The following RGMB variants were observed in gnomAD, a reference collection of about 807,000 sequenced individuals.
The protein encoded by RGMB is repulsive guidance molecule B.
A neutral mutation model predicts 26.9 loss-of-function variants in RGMB; 16 were observed. That is an observed-to-expected ratio of 0.60 (90% confidence interval 0.40 to 0.90). The LOEUF is 0.90. Among genes scored for constraint, RGMB ranks in the 40% least tolerant of loss-of-function variants. The pLI, the probability that RGMB is intolerant of heterozygous loss-of-function variation, is 0.00. For missense variants in RGMB, 512 were observed against 573.3 expected (o/e 0.89, Z 1.09); for synonymous variants, 225 against 229.3 (o/e 0.98, Z 0.17).
chr5:98,785,139 A>G (rs1380922056), intron 2 of RGMB, among the ~76,000 whole-genome samples: 10 of 152,018 alleles, frequency 6.6e-5, no homozygotes, highest in African/African-American at 2.4e-4. Context: ...TTGCAGTTAC[A>G]CCTCCCTGCT....
In RGMB at chr5:98,795,135, G is replaced by A. The variant is rs559515427; in HGVS notation, c.*1382G>A. 1 of 152,248 alleles carries A rather than the reference G, an allele frequency of 6.6e-6. No homozygotes were observed. The highest frequency in any genetic ancestry group is 1.5e-5 in the Non-Finnish European group (1 of 68,024). 9.4% of individuals were successfully genotyped at this position (152,248 alleles called of 1,614,324 possible). ...CATTGTTGGCACCCCCTTGCAAAAG[G>A]AAAAGAACAGCAAAAGTCAGGAGCA... is the stretch of plus-strand genomic sequence containing the variant. On this transcript the variant is annotated 3_prime_UTR_variant, in exon 3 of 3. Coordinates refer to ENST00000513185, the MANE Select transcript of RGMB (RefSeq NM_001366508.1).
At chr5:98,789,373 C>T (rs1746856002) in intron 2 of RGMB, among the ~76,000 whole-genome samples, 1 of 152,188 alleles carries the variant, frequency 6.6e-6, no homozygotes, top group Non-Finnish European at 1.5e-5. Flanking sequence ...CTGTTTGTGG[C>T]ATTTTGCAAG....
rs1238532156 is a variant in RGMB, at chr5:98,796,061, T to G, written c.*2308T>G. On this transcript the variant is annotated 3_prime_UTR_variant, in exon 3 of 3. Transcript: ENST00000513185. Reference sequence around the variant, plus strand: ...TCCCTGTAAAACAATCCCCACAGATTACTTTCAGAAATAGATGTATTTCTC... The same window carrying G: ...TCCCTGTAAAACAATCCCCACAGATGACTTTCAGAAATAGATGTATTTCTC... 2 of 152,248 alleles carry G rather than the reference T, an allele frequency of 1.3e-5. No individual in the cohort carries two copies. The highest frequency in any genetic ancestry group is 2.9e-5 in the Non-Finnish European group (2 of 68,040). The allele number at this position is 152,248 out of a possible 1,614,324, so 9.4% of individuals were successfully genotyped here. A position where few individuals can be genotyped will look rare whatever the true frequency, so the allele number is the denominator to read the frequency against.
intron 1 of RGMB, among the ~76,000 whole-genome samples, chr5:98,779,280 T>G (rs1404043920): frequency 1.3e-5 from 2 of 152,342 alleles, no homozygotes; most frequent in Non-Finnish European, 2.9e-5. Flanking sequence ...TTATAAAATA[T>G]TTTATTTACT....
At chr5:98,771,965 C>G (rs1291519441), upstream of RGMB, among the ~76,000 whole-genome samples, 1 of 152,132 alleles carries the variant, frequency 6.6e-6, no homozygotes, top group East Asian at 1.9e-4. Context: ...CTTTGTTAGC[C>G]AAATACTTTG....
intron 2 of RGMB, among the ~76,000 whole-genome samples, chr5:98,781,928 A>G (rs1421015041): frequency 6.6e-6 from 1 of 152,240 alleles, no homozygotes; most frequent in Non-Finnish European, 1.5e-5. Flanking sequence ...TTTTTAGCAA[A>G]TAAATAAAAA....
At chr5:98,785,061 C>A (rs1307139193) in intron 2 of RGMB, among the ~76,000 whole-genome samples, 1 of 152,178 alleles carries the variant, frequency 6.6e-6, no homozygotes, top group Non-Finnish European at 1.5e-5. Flanking sequence ...TTGTGACCCT[C>A]CTTGCTTTAT....
At position 98,794,656 on chromosome 5, in the gene RGMB, A is replaced by G. The variant is rs1157526752; in HGVS notation, c.*903A>G. The G allele has an allele frequency of 6.6e-6, 1 of 152,204 alleles. No homozygotes were observed. The highest frequency in any genetic ancestry group is 1.5e-5 in the Non-Finnish European group (1 of 68,044). The allele number at this position is 152,204 out of a possible 1,614,324, so 9.4% of individuals were successfully genotyped here. A position where few individuals can be genotyped will look rare whatever the true frequency, so the allele number is the denominator to read the frequency against. ...CTTTTTAATCTATATGACTGATGCA[A>G]GCCCCTCTTCTTAACCGTTTCTTGG... On this transcript the variant is annotated 3_prime_UTR_variant, in exon 3 of 3. Coordinates refer to ENST00000513185, the MANE Select transcript of RGMB (RefSeq NM_001366508.1).
At chr5:98,776,100 T>C (rs1188484857) in intron 1 of RGMB, among the ~76,000 whole-genome samples, 2 of 152,224 alleles carry the variant, frequency 1.3e-5, no homozygotes, top group African/African-American at 4.8e-5. Context: ...AAACTGGTGA[T>C]TGTGCTGCAG....
intron 1 of RGMB, 110 bp from the exon 2 acceptor site, chr5:98,779,470 C>A: frequency 1.9e-6 from 2 of 1,045,504 alleles, no homozygotes; most frequent in Non-Finnish European, 1.3e-6. Context: ...AATAGGAGTA[C>A]AGTGTATAAA....
intron 2 of RGMB, among the ~76,000 whole-genome samples, chr5:98,783,621 T>C (rs1436152166): frequency 1.3e-5 from 2 of 152,232 alleles, no homozygotes; most frequent in Non-Finnish European, 2.9e-5. Flanking sequence ...ATTCTGTGGA[T>C]CTTTATATCT....
upstream of RGMB, chr5:98,768,956 C>T (rs1488483923): frequency 1.3e-5 from 2 of 152,180 alleles, no homozygotes; most frequent in African/African-American, 4.8e-5. Flanking sequence ...GGGAACAGCC[C>T]GCACGCGTCC....
At chr5:98,786,694 A>T (rs1340142761) in intron 2 of RGMB, among the ~76,000 whole-genome samples, 1 of 152,224 alleles carries the variant, frequency 6.6e-6, no homozygotes, top group Non-Finnish European at 1.5e-5. Context: ...TGGGTGGGGT[A>T]ACTTAAGGAC....
Position 98,793,239 on chromosome 5 carries a change from A to G in RGMB, c.800A>G (p.His267Arg). Residue 267 changes from histidine (H) to arginine (R), a missense_variant, in exon 3 of 3, where the codon CAC becomes CGC. Transcript: ENST00000513185. ...CGTATCGTGGAAAGGGAGAGTGGCC[A>G]CTATGTGGAGATGCACGCCCGCTAT... ...SLRIVERESG[H>R]YVEMHARYIG... The G allele has an allele frequency of 1.2e-6, 2 of 1,614,038 alleles. No homozygotes were observed. The highest frequency in any genetic ancestry group is 1.7e-6 in the Non-Finnish European group (2 of 1,179,898).
At position 98,779,626 on chromosome 5, in the gene RGMB, G is replaced by A. The variant is rs761461440; in HGVS notation, c.183G>A (p.Thr61=). Residue 61 remains threonine (T), a synonymous_variant, in exon 2 of 3, where the codon ACG becomes ACA. Transcript: ENST00000513185. ...AATGTCGAATCCAGAAATGCACCAC[G>A]GACTTCGTGTCCCTGACTTCTCACC... ...PAQCRIQKCT[T]DFVSLTSHLN... 1.0e-5 allele frequency: 16 copies of A among 1,530,448 alleles called. No homozygotes were observed. Among genetic ancestry groups the A allele is most frequent in the South Asian group, 7.8e-5 (6 of 76,768 alleles). 94.8% of individuals were successfully genotyped at this position (1,530,448 alleles called of 1,614,324 possible).
At chr5:98,791,055 G>T (rs1182286890) in intron 2 of RGMB, among the ~76,000 whole-genome samples, 1 of 152,102 alleles carries the variant, frequency 6.6e-6, no homozygotes, top group East Asian at 1.9e-4. Context: ...GGTCCCGTTA[G>T]ATATCTAGCT....
In RGMB at chr5:98,793,287, G is replaced by A. The variant is rs777552510; in HGVS notation, c.848G>A (p.Arg283Gln). The A allele has an allele frequency of 9.9e-6, 16 of 1,613,752 alleles. No individual in the cohort carries two copies. The highest frequency in any genetic ancestry group is 2.2e-5 in the East Asian group (1 of 44,886). The stretch of plus-strand genomic sequence containing the variant: ...TATATAGGGACCACAGTGTTTGTGC[G>A]GCAGGTGGGTCGCTACCTGACCCTT... ...ARYIGTTVFV[R>Q]QVGRYLTLAI... is the part of the protein sequence containing the mutation. Residue 283 changes from arginine to glutamine, a missense_variant, in exon 3 of 3, where the codon CGG becomes CAG. Coordinates refer to ENST00000513185, the MANE Select transcript of RGMB (RefSeq NM_001366508.1).
intron 2 of RGMB, among the ~76,000 whole-genome samples, chr5:98,784,959 T>A (rs1272291423): frequency 6.6e-6 from 1 of 152,328 alleles, no homozygotes; most frequent in African/African-American, 2.4e-5. Context: ...ACATTGTAAC[T>A]AATTCTTATA....
intron 2 of RGMB, among the ~76,000 whole-genome samples, chr5:98,782,507 A>C (rs1746639702): frequency 6.6e-6 from 1 of 152,202 alleles, no homozygotes; most frequent in Non-Finnish European, 1.5e-5. Context: ...TCCCAGCTTT[A>C]CTGAGAATTT....
Sources: allele counts gnomAD v4.1 joint callset (sites outside exome capture counted in the v4.1 genomes callset), GRCh38; gene constraint gnomAD v4.1.1; transcripts MANE v1.5; gene names NCBI Gene and HGNC (gene_info 2026-07-23, HGNC 2026-07-21).